Variants in CACNA1B observed in about 807,000 individuals in gnomAD.
CACNA1B encodes the protein calcium voltage-gated channel subunit alpha1 B, also known as voltage-dependent N-type calcium channel subunit alpha-1B.
In CACNA1B, 70 loss-of-function variants were observed where a neutral mutation model predicts 247.2. The ratio of observed to expected loss-of-function variants is 0.28; its 90% CI spans 0.23 to 0.35. The LOEUF (loss-of-function observed/expected upper bound fraction) is 0.35, where lower values mean the gene tolerates loss of function less well. Ranked by LOEUF, CACNA1B falls within the 10% of genes least tolerant of loss-of-function variation. The pLI, the probability that CACNA1B is intolerant of heterozygous loss-of-function variation, is 1.00. For synonymous variants in CACNA1B, 1,231 were observed against 1,294.4 expected (o/e 0.95, Z 1.05); for missense variants, 2,367 against 3,197.4 (o/e 0.74, Z 6.26).
At chr9:138,048,804 G>C (rs1291282333) in intron 23 of CACNA1B, among the ~76,000 whole-genome samples, 2 of 152,164 alleles carry the variant, frequency 1.3e-5, no homozygotes, top group Non-Finnish European at 2.9e-5. Context: ...TGCAGTCTCT[G>C]TGTCCTGGGT....
chr9:137,990,453 A>G lies in CACNA1B; in HGVS notation c.1974+3599A>G, dbSNP rs1481618376. ...CCCTGAGAAACCTGAATACTTAATT[A>G]GGCTACCTTAGGGCAAGTTTGCATC... On this transcript the variant is annotated intron_variant, in intron 15 of 46. Transcript: ENST00000371372. The surrounding 1 kb of genome is among the most constrained non-coding windows in gnomAD (Gnocchi z 4.5). 6.6e-6 allele frequency among the ~76,000 whole-genome samples: 1 copy of G among 152,124 alleles called. No homozygotes were observed. Among genetic ancestry groups the G allele is most frequent in the Non-Finnish European group, 1.5e-5 (1 of 68,022 alleles).
chr9:138,090,701 CAAAAAAAAAAAAAAA>C lies in CACNA1B; in HGVS notation c.5095-5764_5095-5750del, dbSNP rs1173964720. Among the ~76,000 whole-genome samples the C allele has an allele frequency of 7.9e-3, 132 of 16,608 alleles. 1 individual carries two copies. Among genetic ancestry groups the C allele is most frequent in the African/African-American group, 0.044 (105 of 2,402 alleles). 10.9% of individuals were successfully genotyped at this position (16,608 alleles called of 152,430 possible). A position where few individuals can be genotyped will look rare whatever the true frequency, so the allele number is the denominator to read the frequency against. On this transcript the variant is annotated intron_variant, in intron 36 of 46. Coordinates refer to ENST00000371372, the MANE Select transcript of CACNA1B (RefSeq NM_000718.4). ...TACAAGGTGAAACTCAACCCATCAGCAAAAAAAAAAAAAAAAAAAAAAAAAAAAAAAAATCAGATT... is the reference window on the plus strand; with the variant it reads ...TACAAGGTGAAACTCAACCCATCAGCAAAAAAAAAAAAAAAAAATCAGATT...
At chr9:137,998,876 T>C (rs984641179) in intron 15 of CACNA1B, among the ~76,000 whole-genome samples, 1 of 152,156 alleles carries the variant, frequency 6.6e-6, no homozygotes, top group African/African-American at 2.4e-5. Flanking sequence ...TTAGAAAGGA[T>C]CTAAAAACAT....
intron 15 of CACNA1B, among the ~76,000 whole-genome samples, chr9:137,996,618 C>T (rs1212013501): frequency 2.0e-5 from 3 of 152,076 alleles, no homozygotes. Flanking sequence ...GTCATATAAG[C>T]AAACACCACC....
intron 42 of CACNA1B, among the ~76,000 whole-genome samples, chr9:138,116,082 C>T (rs372696979): frequency 7.2e-5 from 11 of 152,264 alleles, no homozygotes; most frequent in South Asian, 2.1e-4. Context: ...TCCCAACACA[C>T]GCACCTGCTT....
rs1956897911 is a variant in CACNA1B, at chr9:137,880,189, G to A, written c.390+1030G>A. ...AGGAGTGCAGAAGGGGAGACAGGGA[G>A]CCTGTCCTGGAGGTGAGGCACCAGG... On this transcript the variant is annotated intron_variant, in intron 2 of 46. Coordinates refer to ENST00000371372, the MANE Select transcript of CACNA1B (RefSeq NM_000718.4). The surrounding 1 kb of genome is among the most constrained non-coding windows in gnomAD (Gnocchi z 4.8). Among the ~76,000 whole-genome samples the A allele has an allele frequency of 6.6e-6, 1 of 152,206 alleles. No homozygotes were observed. Among genetic ancestry groups the A allele is most frequent in the Non-Finnish European group, 1.5e-5 (1 of 68,024 alleles).
In CACNA1B at chr9:138,051,440, T is replaced by C. The variant is rs528102243; in HGVS notation, c.3711-652T>C. The stretch of plus-strand genomic sequence containing the variant: ...GCTTTCTGGGTAGCATTGATATGTC[T>C]GTCTCTATGGCTCTCCCTCCCTCCC... On this transcript the variant is annotated intron_variant, in intron 24 of 46. Transcript: ENST00000371372. This position sits in a 1 kb window ranked among gnomAD's most constrained non-coding sequence, Gnocchi z 4.3. Among the ~76,000 whole-genome samples the C allele has an allele frequency of 3.9e-5, 6 of 151,912 alleles. No individual in the cohort carries two copies. The South Asian group carries it at 6.2e-4, about 16-fold the overall frequency.
At chr9:138,046,127 G>A (rs1223758800) in intron 21 of CACNA1B, among the ~76,000 whole-genome samples, 1 of 152,214 alleles carries the variant, frequency 6.6e-6, no homozygotes, top group African/African-American at 2.4e-5. Flanking sequence ...GCCCCTGCTT[G>A]TTGATTTCCT....
chr9:137,961,557 T>G (rs949280016), intron 10 of CACNA1B, among the ~76,000 whole-genome samples: 4 of 152,238 alleles, frequency 2.6e-5, no homozygotes, highest in African/African-American at 9.6e-5. Context: ...ATCTAGTTTA[T>G]TAAGAGTTTT....
At chr9:137,939,989 A>T (rs1475951455) in intron 6 of CACNA1B, among the ~76,000 whole-genome samples, 8 of 152,114 alleles carry the variant, frequency 5.3e-5, no homozygotes, top group Non-Finnish European at 4.4e-5. Context: ...GCACAAACAG[A>T]CAATCTAAGG....
In CACNA1B at chr9:137,971,465, G is replaced by A. The variant is rs201016696; in HGVS notation, c.1416G>A (p.Arg472=). 1 of 1,613,556 alleles carries A rather than the reference G, an allele frequency of 6.2e-7. No individual in the cohort carries two copies. The highest frequency in any genetic ancestry group is 8.5e-7 in the Non-Finnish European group (1 of 1,179,754). ...SYFRRKEKMF[R]FFIRRMVKAQ... The stretch of plus-strand genomic sequence containing the variant: ...TCCGGAGGAAGGAGAAGATGTTCCG[G>A]TTTTTTATCCGGCGCATGGTGAAGG... The change falls in exon 11 of 47, where the codon CGG becomes CGA. Residue 472 remains arginine (R), a synonymous_variant. Transcript: ENST00000371372. The surrounding 1 kb of genome is among the most constrained non-coding windows in gnomAD (Gnocchi z 4.4).
At chr9:138,070,130 C>T (rs1170287397) in intron 32 of CACNA1B, among the ~76,000 whole-genome samples, 1 of 152,244 alleles carries the variant, frequency 6.6e-6, no homozygotes, top group East Asian at 1.9e-4. Context: ...TCCCTGATCC[C>T]TGCGAGTCCA....
chr9:138,097,551 C>A (rs1961095830), intron 37 of CACNA1B, among the ~76,000 whole-genome samples: 1 of 152,250 alleles, frequency 6.6e-6, no homozygotes, highest in South Asian at 2.1e-4. Context: ...CCTGCTAGCA[C>A]CTCACTCACA....
At chr9:138,049,539 T>G (rs1451393575) in intron 24 of CACNA1B, among the ~76,000 whole-genome samples, 1 of 152,150 alleles carries the variant, frequency 6.6e-6, no homozygotes, top group Non-Finnish European at 1.5e-5. Context: ...GGCCCTGGTG[T>G]GGCCTGTGGC....
Position 137,972,999 on chromosome 9 carries a change from TGGGGGTCAGGTGGGGACCAAGGACTTC to T in CACNA1B, c.1543+1408_1543+1434del, listed in dbSNP as rs1233406546. On this transcript the variant is annotated intron_variant, in intron 11 of 46. Coordinates refer to ENST00000371372, the MANE Select transcript of CACNA1B (RefSeq NM_000718.4). ...CCTCCGGCTAAGGTTTTCCCACCCTTGGGGGTCAGGTGGGGACCAAGGACTTCCTCCTGACCCAGTGACTAGGCCTGT... is the reference window on the plus strand; with the variant it reads ...CCTCCGGCTAAGGTTTTCCCACCCTTCTCCTGACCCAGTGACTAGGCCTGT... Among the ~76,000 whole-genome samples, 3 of 152,146 alleles carry T rather than the reference TGGGGGTCAGGTGGGGACCAAGGACTTC, an allele frequency of 2.0e-5. No individual in the cohort carries two copies. In the East Asian group the frequency reaches 5.8e-4, roughly 29 times the overall value.
At chr9:137,878,794 T>G (rs1956873729) in intron 1 of CACNA1B, among the ~76,000 whole-genome samples, 1 of 152,134 alleles carries the variant, frequency 6.6e-6, no homozygotes, top group Non-Finnish European at 1.5e-5. Context: ...GGAGGCGCTG[T>G]CCGCGGTGCT....
rs1958185701 is a variant in CACNA1B at position 137,973,850 on chromosome 9, G to C, written c.1544-2057G>C. Among the ~76,000 whole-genome samples the C allele has an allele frequency of 6.6e-6, 1 of 152,204 alleles. No homozygotes were observed. On this transcript the variant is annotated intron_variant, in intron 11 of 46. Transcript: ENST00000371372. This position sits in a 1 kb window ranked among gnomAD's most constrained non-coding sequence, Gnocchi z 4.1. Reference sequence around the variant, plus strand: ...GCAGACAGGATGTTGGAGGATTTCAGATCTCTTTCTCTGAAAGTTTTACCG... The same window carrying C: ...GCAGACAGGATGTTGGAGGATTTCACATCTCTTTCTCTGAAAGTTTTACCG...
At chr9:137,975,504 G>A (rs773691577) in intron 11 of CACNA1B, among the ~76,000 whole-genome samples, 4 of 152,162 alleles carry the variant, frequency 2.6e-5, no homozygotes, top group Non-Finnish European at 5.9e-5. Flanking sequence ...GGCCAGAGGC[G>A]GAAGGACCAG....
rs1959202729 is a variant in CACNA1B at position 138,048,499 on chromosome 9, G to A, written c.3604-710G>A. The stretch of plus-strand genomic sequence containing the variant: ...GGATATTTGGGTCCATGGCATTGAG[G>A]TCCAAAGGCCCACTGAGGCCCTTCG... On this transcript the variant is annotated intron_variant, in intron 23 of 46. Coordinates refer to ENST00000371372, the MANE Select transcript of CACNA1B (RefSeq NM_000718.4). Among the ~76,000 whole-genome samples the A allele has an allele frequency of 2.6e-5, 4 of 152,190 alleles. No homozygotes were observed. The South Asian group carries it at 6.2e-4, about 24-fold the overall frequency.
Sources: allele counts gnomAD v4.1 joint callset (sites outside exome capture counted in the v4.1 genomes callset), GRCh38; gene constraint gnomAD v4.1.1; non-coding constraint Gnocchi (gnomAD v3.1); transcripts MANE v1.5; gene names NCBI Gene and HGNC (gene_info 2026-07-23, HGNC 2026-07-21).